Variants in GXYLT2 observed in about 807,000 individuals in gnomAD.
GXYLT2 encodes the protein glucoside xylosyltransferase 2, also known as glycosyltransferase 8 domain containing 4.
GXYLT2 carries 53 observed loss-of-function variants against 45.8 expected under a neutral mutation model. The observed-to-expected ratio is 1.16, with a 90% CI of 0.93 to 1.46. GXYLT2 has a LOEUF of 1.46. GXYLT2 is among the 40% of genes most tolerant of loss of function. The pLI is 0.00. For missense variants in GXYLT2, 551 were observed against 544.4 expected, an observed-to-expected ratio of 1.01 and a Z score of -0.12; for synonymous variants, 219 against 214.2, an observed-to-expected ratio of 1.02 and a Z score of -0.19.
chr3:72,901,274 T>C (rs1351666950), intron 1 of GXYLT2, among the ~76,000 whole-genome samples: 3 of 138,716 alleles, frequency 2.2e-5, no homozygotes, highest in Non-Finnish European at 4.6e-5. Flanking sequence ...GGGTGACAGA[T>C]CTAGACTCTG....
At chr3:72,910,039 T>C (rs552230232) in intron 2 of GXYLT2, among the ~76,000 whole-genome samples, 2 of 152,168 alleles carry the variant, frequency 1.3e-5, no homozygotes, top group South Asian at 2.1e-4. Flanking sequence ...GATTGGAAAA[T>C]GCCTTGTAAA....
chr3:72,943,301 A>G (rs550540073), intron 3 of GXYLT2, among the ~76,000 whole-genome samples: 2 of 152,340 alleles, frequency 1.3e-5, no homozygotes, highest in South Asian at 4.1e-4. Flanking sequence ...TGGGTGAATA[A>G]ATACAATAGA....
intron 1 of GXYLT2, among the ~76,000 whole-genome samples, chr3:72,904,361 T>C (rs910778387): frequency 6.6e-6 from 1 of 152,242 alleles, no homozygotes; most frequent in Non-Finnish European, 1.5e-5. Context: ...GCATTGTGAC[T>C]GCACAGCACT....
chr3:72,936,760 T>G (rs1399209634), intron 3 of GXYLT2, among the ~76,000 whole-genome samples: 1 of 152,220 alleles, frequency 6.6e-6, no homozygotes, highest in African/African-American at 2.4e-5. Context: ...CTACTCATTT[T>G]GTGGCTTCAC....
chr3:72,891,441 G>C (rs1709181383), intron 1 of GXYLT2, among the ~76,000 whole-genome samples: 1 of 152,146 alleles, frequency 6.6e-6, no homozygotes, highest in Non-Finnish European at 1.5e-5. Flanking sequence ...CTCGTTAGTA[G>C]GCAGACCCTT....
intron 3 of GXYLT2, among the ~76,000 whole-genome samples, chr3:72,948,008 T>A (rs1710444282): frequency 6.6e-6 from 1 of 152,090 alleles, no homozygotes. Context: ...GCAAAAACAT[T>A]CCTAGACAAA....
intron 4 of GXYLT2, among the ~76,000 whole-genome samples, chr3:72,955,922 A>G (rs1264649116): frequency 6.6e-6 from 1 of 152,152 alleles, no homozygotes; most frequent in Non-Finnish European, 1.5e-5. Context: ...TATTAAAAAC[A>G]CAAAAATTAG....
chr3:72,972,968 G>A (rs1711023149), intron 6 of GXYLT2, among the ~76,000 whole-genome samples: 1 of 151,976 alleles, frequency 6.6e-6, no homozygotes, highest in African/African-American at 2.4e-5. Context: ...GTCATGGCAA[G>A]TGCCTGTGGT....
intron 1 of GXYLT2, among the ~76,000 whole-genome samples, chr3:72,900,755 C>CT (rs1435651112): frequency 6.6e-6 from 1 of 152,136 alleles, no homozygotes; most frequent in Non-Finnish European, 1.5e-5. Context: ...CCATTACCTG[C>CT]TTTAAAAATT....
At chr3:72,974,838 A>C (rs1004574531) in intron 6 of GXYLT2, 139 bp from the exon 7 acceptor site, 7 of 592,866 alleles carry the variant, frequency 1.2e-5, no homozygotes, top group Non-Finnish European at 2.0e-5. Context: ...TTTAAGTTAG[A>C]TCCTCAAAGG....
chr3:72,909,489 G>A (rs1709578219), intron 2 of GXYLT2, among the ~76,000 whole-genome samples: 1 of 152,060 alleles, frequency 6.6e-6, no homozygotes, highest in African/African-American at 2.4e-5. Context: ...CGAAAATCAG[G>A]ATTGTACTCT....
intron 3 of GXYLT2, among the ~76,000 whole-genome samples, chr3:72,952,889 C>G: frequency 6.6e-6 from 1 of 152,106 alleles, no homozygotes; most frequent in East Asian, 1.9e-4. Flanking sequence ...CACAGACATT[C>G]AGTCCATAAG....
At chr3:72,965,228 C>T (rs991815646) in intron 5 of GXYLT2, among the ~76,000 whole-genome samples, 3 of 152,160 alleles carry the variant, frequency 2.0e-5, no homozygotes, top group African/African-American at 7.2e-5. Context: ...TGTCACTGTC[C>T]TATAAAAGAC....
intron 3 of GXYLT2, among the ~76,000 whole-genome samples, chr3:72,943,101 A>G (rs1256378953): frequency 6.6e-6 from 1 of 152,234 alleles, no homozygotes. Context: ...AAATCAGCAC[A>G]GTCAAGCAGC....
At chr3:72,920,799 C>CATATATATATAT (rs377277874) in intron 2 of GXYLT2, among the ~76,000 whole-genome samples, 2 of 144,462 alleles carry the variant, frequency 1.4e-5, no homozygotes, top group African/African-American at 5.2e-5. Context: ...AATGTACATG[C>CATATATATATAT]ATATATATAT....
intron 3 of GXYLT2, among the ~76,000 whole-genome samples, chr3:72,950,294 C>G (rs1431532059): frequency 6.6e-6 from 1 of 151,974 alleles, no homozygotes; most frequent in Non-Finnish European, 1.5e-5. Flanking sequence ...AACCTCGTCT[C>G]TAATAAAAAT....
At chr3:72,945,606 G>A (rs750017959) in intron 3 of GXYLT2, among the ~76,000 whole-genome samples, 4 of 152,196 alleles carry the variant, frequency 2.6e-5, no homozygotes, top group Non-Finnish European at 5.9e-5. Flanking sequence ...GGAGCCCTCT[G>A]GGAAAATCTT....
chr3:72,922,212 G>A lies in GXYLT2; in HGVS notation c.477G>A (p.Gln159=), dbSNP rs1709844004. ...LKPEFDKQLR[Q]WPDSYTKKFE... is the part of the protein sequence containing the mutation. ...CTTCCCATGTTTTTCAGTTACGCCA[G>A]TGGCCTGACTCATATACAAAGAAGT... is the stretch of plus-strand genomic sequence containing the variant. Residue 159 remains glutamine (Q), a synonymous_variant, in exon 3 of 7, where the codon CAG becomes CAA. Transcript: ENST00000389617. The A allele has an allele frequency of 6.2e-7, 1 of 1,612,700 alleles. No individual in the cohort carries two copies. Among genetic ancestry groups the A allele is most frequent in the Non-Finnish European group, 8.5e-7 (1 of 1,179,440 alleles).
intron 2 of GXYLT2, among the ~76,000 whole-genome samples, chr3:72,912,013 AT>A (rs35108267): frequency 0.035 from 4,045 of 114,808 alleles, 79 homozygotes; most frequent in South Asian, 0.078. Flanking sequence ...ATATATATAT[AT>A]TTTTTTTTTT....
Sources: gnomAD v4.1 joint callset for allele counts (sites outside exome capture counted in the v4.1 genomes callset) on GRCh38, gnomAD v4.1.1 for gene constraint, MANE v1.5 for transcripts, NCBI Gene and HGNC (gene_info 2026-07-23, HGNC 2026-07-21) for gene names.